NRXN3: variants seen among roughly 807,000 people sequenced by gnomAD.
NRXN3 encodes the protein neurexin III.
NRXN3 carries 32 observed loss-of-function variants against 137.6 expected under a neutral mutation model. The observed-to-expected ratio is 0.23, with a 90% CI of 0.18 to 0.31. NRXN3 has a LOEUF of 0.31. NRXN3 is among the 10% of genes least tolerant of loss of function. The pLI is 1.00. For missense variants in NRXN3, 1,574 were observed against 2,062.5 expected, an observed-to-expected ratio of 0.76 and a Z score of 4.59; for synonymous variants, 798 against 784.5, an observed-to-expected ratio of 1.02 and a Z score of -0.29.
intron 4 of NRXN3, among the ~76,000 whole-genome samples, chr14:78,596,807 A>G (rs2097161147): frequency 6.6e-6 from 1 of 152,196 alleles, no homozygotes; most frequent in African/African-American, 2.4e-5. Flanking sequence ...GGAGTAATAT[A>G]ATAACTGCAT....
chr14:78,335,523 T>C (rs765752363), intron 4 of NRXN3, among the ~76,000 whole-genome samples: 3 of 152,220 alleles, frequency 2.0e-5, no homozygotes, highest in Non-Finnish European at 4.4e-5. Flanking sequence ...GATTGATTGA[T>C]TGATATTAAT....
intron 2 of NRXN3, among the ~76,000 whole-genome samples, chr14:78,256,746 A>G (rs1485289121): frequency 6.6e-6 from 1 of 152,218 alleles, no homozygotes; most frequent in Non-Finnish European, 1.5e-5. Context: ...TGCATTGATA[A>G]CTCATATGCA....
At chr14:79,158,182 T>C (rs2060431116) in intron 15 of NRXN3, among the ~76,000 whole-genome samples, 1 of 151,852 alleles carries the variant, frequency 6.6e-6, no homozygotes, top group Non-Finnish European at 1.5e-5. Flanking sequence ...ATACTCTCTT[T>C]CAGAAGTATT....
At chr14:78,489,017 T>G (rs1411399656) in intron 4 of NRXN3, among the ~76,000 whole-genome samples, 1 of 151,972 alleles carries the variant, frequency 6.6e-6, no homozygotes, top group East Asian at 1.9e-4. Context: ...TCTAAGAAAA[T>G]AAGAGTGACT....
intron 8 of NRXN3, among the ~76,000 whole-genome samples, chr14:78,741,252 C>T (rs2152927368): frequency 6.6e-6 from 1 of 152,294 alleles, no homozygotes; most frequent in Admixed American, 6.5e-5. Context: ...GAGTAGCATT[C>T]CTCCTCTTCC....
chr14:79,290,335 G>A (rs1337880459), intron 15 of NRXN3, among the ~76,000 whole-genome samples: 2 of 152,158 alleles, frequency 1.3e-5, no homozygotes, highest in Admixed American at 6.5e-5. Context: ...ATAGAGCACG[G>A]TATTAAACTG....
intron 15 of NRXN3, among the ~76,000 whole-genome samples, chr14:79,406,780 A>G (rs2095322587): frequency 6.6e-6 from 1 of 152,168 alleles, no homozygotes; most frequent in Admixed American, 6.5e-5. Flanking sequence ...TTTCTGTAGC[A>G]AAGTCAGCAT....
intron 14 of NRXN3, among the ~76,000 whole-genome samples, chr14:78,969,513 T>G (rs933986012): frequency 2.0e-5 from 3 of 152,224 alleles, no homozygotes; most frequent in African/African-American, 7.2e-5. Context: ...TTGTATCAGT[T>G]GTTAATTTAC....
intron 6 of NRXN3, among the ~76,000 whole-genome samples, chr14:78,655,359 ATGTAAG>A (rs1363944828): frequency 2.6e-5 from 4 of 152,234 alleles, no homozygotes; most frequent in Non-Finnish European, 5.9e-5. Flanking sequence ...ACAAATAGAA[ATGTAAG>A]TGTAAGTGAA....
chr14:79,492,808 C>T (rs1308739361), intron 16 of NRXN3, among the ~76,000 whole-genome samples: 1 of 152,204 alleles, frequency 6.6e-6, no homozygotes, highest in Non-Finnish European at 1.5e-5. Context: ...TGACTCACTT[C>T]TATCAATCAT....
intron 20 of NRXN3, among the ~76,000 whole-genome samples, chr14:79,832,283 T>A (rs1035947188): frequency 2.0e-5 from 3 of 152,164 alleles, no homozygotes; most frequent in African/African-American, 7.2e-5. Flanking sequence ...ATATTATCTA[T>A]GTTAGTGATG....
intron 19 of NRXN3, among the ~76,000 whole-genome samples, chr14:79,774,083 G>A (rs909157297): frequency 6.6e-5 from 10 of 152,274 alleles, no homozygotes; most frequent in South Asian, 2.1e-4. Context: ...GAGGATTGGG[G>A]AAAGAGAAAC....
intron 6 of NRXN3, among the ~76,000 whole-genome samples, chr14:78,687,569 C>T (rs910889028): frequency 6.6e-6 from 1 of 152,196 alleles, no homozygotes; most frequent in Non-Finnish European, 1.5e-5. Flanking sequence ...GTTCCAAAAT[C>T]TCAGAGGCTT....
intron 4 of NRXN3, among the ~76,000 whole-genome samples, chr14:78,366,186 T>A (rs2085916945): frequency 1.3e-5 from 2 of 152,150 alleles, no homozygotes; most frequent in Admixed American, 6.5e-5. Flanking sequence ...CAGACTCAGC[T>A]CTCAGTAAAA....
chr14:78,773,068 A>G (rs1254985979), intron 8 of NRXN3, among the ~76,000 whole-genome samples: 4 of 152,170 alleles, frequency 2.6e-5, no homozygotes, highest in Admixed American at 2.6e-4. Context: ...GAGGCCTGTG[A>G]AATACTCTAA....
intron 4 of NRXN3, among the ~76,000 whole-genome samples, chr14:78,392,255 G>A (rs1045938278): frequency 7.2e-5 from 11 of 152,180 alleles, no homozygotes; most frequent in African/African-American, 2.7e-4. Flanking sequence ...GGGAAGGTCA[G>A]ACATTGTTGA....
At chr14:78,314,979 C>T (rs932104326) in intron 4 of NRXN3, among the ~76,000 whole-genome samples, 1 of 90,304 alleles carries the variant, frequency 1.1e-5, no homozygotes, top group Non-Finnish European at 2.1e-5. Flanking sequence ...TCCTTCCTTC[C>T]TTCCTTCCTT....
chr14:78,567,407 C>T (rs1374732911), intron 4 of NRXN3, among the ~76,000 whole-genome samples: 2 of 152,212 alleles, frequency 1.3e-5, no homozygotes, highest in Non-Finnish European at 1.5e-5. Context: ...TGCCTATCTC[C>T]AGCATGGCTG....
chr14:78,605,605 G>A (rs2097243661), intron 4 of NRXN3, among the ~76,000 whole-genome samples: 1 of 151,988 alleles, frequency 6.6e-6, no homozygotes, highest in African/African-American at 2.4e-5. Flanking sequence ...AAATATATGG[G>A]AGGCGCCATC....
Sources: allele counts gnomAD v4.1 joint callset (sites outside exome capture counted in the v4.1 genomes callset), GRCh38; gene constraint gnomAD v4.1.1; transcripts MANE v1.5; gene names NCBI Gene and HGNC (gene_info 2026-07-23, HGNC 2026-07-21).